SKAP2: variants seen among roughly 807,000 people sequenced by gnomAD.
The protein encoded by SKAP2 is src kinase associated phosphoprotein 2.
Under a neutral mutation model 54.9 loss-of-function variants are expected in SKAP2, and 28 were observed. The ratio of observed to expected loss-of-function variants is 0.51; its 90% CI spans 0.38 to 0.70. The LOEUF (loss-of-function observed/expected upper bound fraction) is 0.70, where lower values mean the gene tolerates loss of function less well. SKAP2 is among the 30% of genes least tolerant of loss of function. SKAP2 has a pLI of 0.00. For synonymous variants in SKAP2, 137 were observed against 134.3 expected (o/e 1.02, Z -0.14); for missense variants, 356 against 424.1 (o/e 0.84, Z 1.41).
intron 4 of SKAP2, among the ~76,000 whole-genome samples, chr7:26,770,524 G>C (rs1366293319): frequency 1.3e-5 from 2 of 152,152 alleles, no homozygotes; most frequent in Non-Finnish European, 2.9e-5. Flanking sequence ...CCCACAGCTA[G>C]CTCGGTGTCT....
intron 9 of SKAP2, among the ~76,000 whole-genome samples, chr7:26,701,758 CAA>C (rs1787031627): frequency 2.2e-5 from 2 of 91,266 alleles, no homozygotes; most frequent in African/African-American, 5.7e-5. Context: ...AATAAATAAA[CAA>C]ATAAATAAAT....
chr7:26,819,017 T>C (rs1784328949), intron 4 of SKAP2, among the ~76,000 whole-genome samples: 1 of 152,146 alleles, frequency 6.6e-6, no homozygotes, highest in South Asian at 2.1e-4. Context: ...AGTATGGCAA[T>C]TCCTCAAGGA....
At chr7:26,850,334 A>G (rs1009586394) in intron 3 of SKAP2, among the ~76,000 whole-genome samples, 3 of 152,156 alleles carry the variant, frequency 2.0e-5, no homozygotes, top group Non-Finnish European at 4.4e-5. Flanking sequence ...AAGTCCCAGC[A>G]CTTTGGGAGG....
rs765169099 is a variant in SKAP2, at chr7:26,864,439, C to G, written c.-10G>C. On this transcript the variant is annotated 5_prime_UTR_variant, in exon 1 of 13. Transcript: ENST00000345317. ...TGCTGGGGTTGGGCATGTTAGGGAGCGCAGGGCGTGCGGGGAAAGGACCTG... is the reference window on the plus strand; with the variant it reads ...TGCTGGGGTTGGGCATGTTAGGGAGGGCAGGGCGTGCGGGGAAAGGACCTG... 1 of 1,598,010 alleles carries G rather than the reference C, an allele frequency of 6.3e-7. No individual in the cohort carries two copies. The highest frequency in any genetic ancestry group is 2.3e-5 in the East Asian group (1 of 44,042).
chr7:26,717,643 T>C (rs1400172328), intron 9 of SKAP2, among the ~76,000 whole-genome samples: 2 of 140,348 alleles, frequency 1.4e-5, no homozygotes, highest in African/African-American at 2.6e-5. Context: ...CTGGCCAACA[T>C]GGCAAAACCC....
chr7:26,726,979 A>G lies in SKAP2; in HGVS notation c.497T>C (p.Ile166Thr). The G allele has an allele frequency of 6.2e-7, 1 of 1,604,096 alleles. No homozygotes were observed. The highest frequency in any genetic ancestry group is 8.5e-7 in the Non-Finnish European group (1 of 1,175,908). Residue 166 changes from isoleucine to threonine, a missense_variant, in exon 7 of 13, where the codon ATA becomes ACA. By Grantham distance (89) the Ile-to-Thr change is moderately conservative. Coordinates refer to ENST00000345317, the MANE Select transcript of SKAP2 (RefSeq NM_003930.5). Reference sequence around the variant, plus strand: ...ATTCATTCTGACACTGTAGCCATCTATTGCAAATTCACCTTTCTGTTGTTT... The same window carrying G: ...ATTCATTCTGACACTGTAGCCATCTGTTGCAAATTCACCTTTCTGTTGTTT... The part of the protein sequence containing the change: ...KDKQQKGEFA[I>T]DGYSVRMNNT...
At chr7:26,763,238 A>G (rs1309062080) in intron 4 of SKAP2, among the ~76,000 whole-genome samples, 1 of 152,174 alleles carries the variant, frequency 6.6e-6, no homozygotes, top group Non-Finnish European at 1.5e-5. Flanking sequence ...CACATAAGAA[A>G]ATATTTACAA....
In SKAP2 at chr7:26,667,823, TA is replaced by T. The variant is rs1786136528; in HGVS notation, c.*1842del. ...AGCACAAACCCAAATCCACAAAGGCTACATTGTCATGGGAAACAACGGCTTT... is the reference window on the plus strand; with the variant it reads ...AGCACAAACCCAAATCCACAAAGGCTCATTGTCATGGGAAACAACGGCTTT... On this transcript the variant is annotated 3_prime_UTR_variant, in exon 13 of 13. Transcript: ENST00000345317. 1 of 152,448 alleles carries T rather than the reference TA, an allele frequency of 6.6e-6. No homozygotes were observed. Among genetic ancestry groups the T allele is most frequent in the Admixed American group, 6.5e-5 (1 of 15,276 alleles). The allele number at this position is 152,448 out of a possible 1,614,324, so 9.4% of individuals were successfully genotyped here.
intron 10 of SKAP2, among the ~76,000 whole-genome samples, chr7:26,689,368 T>C (rs1424235580): frequency 6.6e-6 from 1 of 152,174 alleles, no homozygotes; most frequent in Non-Finnish European, 1.5e-5. Flanking sequence ...TGTAAAATAA[T>C]TGCTGGTTTA....
chr7:26,729,961 G>T, intron 6 of SKAP2, among the ~76,000 whole-genome samples: 1 of 152,168 alleles, frequency 6.6e-6, no homozygotes, highest in East Asian at 1.9e-4. Flanking sequence ...GTTTGTATTT[G>T]AGGATAAACA....
At position 26,844,015 on chromosome 7, in the gene SKAP2, G is replaced by A. The variant is rs1468609527; in HGVS notation, c.307+15C>T. 6.7e-7 allele frequency: 1 copy of A among 1,499,804 alleles called. No individual in the cohort carries two copies. The highest frequency in any genetic ancestry group is 1.4e-5 in the African/African-American group (1 of 72,592). The allele number at this position is 1,499,804 out of a possible 1,614,324, so 92.9% of individuals were successfully genotyped here. On this transcript the variant is annotated intron_variant, in intron 4 of 12. Transcript: ENST00000345317. ...TTGTGTGAGTGTCAGAGTTACGTGG[G>A]AAAATGTCACATACCATCAGAGGGG...
At chr7:26,711,784 C>T (rs1787311148) in intron 9 of SKAP2, among the ~76,000 whole-genome samples, 1 of 152,138 alleles carries the variant, frequency 6.6e-6, no homozygotes, top group Non-Finnish European at 1.5e-5. Flanking sequence ...TTTAGGAAAT[C>T]AATCTGTTGG....
chr7:26,760,847 T>C (rs1351915885), intron 4 of SKAP2, among the ~76,000 whole-genome samples: 1 of 152,082 alleles, frequency 6.6e-6, no homozygotes, highest in African/African-American at 2.4e-5. Flanking sequence ...AGAAACAACA[T>C]GAAAGAACTG....
intron 5 of SKAP2, among the ~76,000 whole-genome samples, 172 bp from the exon 6 acceptor site, chr7:26,739,050 A>C (rs1008318418): frequency 2.6e-5 from 4 of 152,224 alleles, no homozygotes; most frequent in African/African-American, 9.6e-5. Context: ...AAAGGGAATA[A>C]AGTAAAGTAG....
intron 4 of SKAP2, among the ~76,000 whole-genome samples, chr7:26,833,692 C>T (rs149206581): frequency 0.011 from 1,626 of 152,150 alleles, 28 homozygotes; most frequent in African/African-American, 0.037. Flanking sequence ...TATATATGCA[C>T]CCAATACAGG....
At chr7:26,849,747 T>C (rs958157944) in intron 3 of SKAP2, among the ~76,000 whole-genome samples, 1 of 151,196 alleles carries the variant, frequency 6.6e-6, no homozygotes, top group Admixed American at 6.6e-5. Flanking sequence ...AAAAATCTCA[T>C]GAAACATTTG....
chr7:26,678,004 G>A (rs1472634486), intron 11 of SKAP2, among the ~76,000 whole-genome samples: 1 of 152,194 alleles, frequency 6.6e-6, no homozygotes, highest in African/African-American at 2.4e-5. Context: ...CCGTAGCAAA[G>A]TAGAAAGAGA....
intron 4 of SKAP2, among the ~76,000 whole-genome samples, chr7:26,748,906 TAGCA>T (rs2127965546): frequency 6.6e-6 from 1 of 152,288 alleles, no homozygotes; most frequent in East Asian, 1.9e-4. Context: ...CTCTGTGACT[TAGCA>T]AGTCACTTGA....
At chr7:26,660,550 CTT>C in the SKAP2 span, among the ~76,000 whole-genome samples, 1 of 152,080 alleles carries the variant, frequency 6.6e-6, no homozygotes, top group South Asian at 2.1e-4. Flanking sequence ...GGATGGTATA[CTT>C]ATAGCTTGAA....
Sources: allele counts gnomAD v4.1 joint callset (sites outside exome capture counted in the v4.1 genomes callset), GRCh38; gene constraint gnomAD v4.1.1; transcripts MANE v1.5; gene names NCBI Gene and HGNC (gene_info 2026-07-23, HGNC 2026-07-21).